UACA: variants seen among roughly 807,000 people sequenced by gnomAD.
UACA encodes nuclear membrane binding protein.
Under a neutral mutation model 160.5 loss-of-function variants are expected in UACA, and 112 were observed. That is an observed-to-expected ratio of 0.70 (90% CI 0.60 to 0.82). The LOEUF (loss-of-function observed/expected upper bound fraction) is 0.82, where lower values mean the gene tolerates loss of function less well. Among genes scored for constraint, UACA ranks in the 40% least tolerant of loss-of-function variants. UACA has a pLI of 0.00. For synonymous variants in UACA, 557 were observed against 568.4 expected (o/e 0.98, Z 0.29); for missense variants, 1,574 against 1,614.6 (o/e 0.97, Z 0.43).
intron 1 of UACA, among the ~76,000 whole-genome samples, chr15:70,716,788 T>C (rs1327346405): frequency 6.6e-6 from 1 of 152,222 alleles, no homozygotes; most frequent in Non-Finnish European, 1.5e-5. Context: ...TATGCAAGTA[T>C]TCATTTAAAA....
intron 1 of UACA, among the ~76,000 whole-genome samples, chr15:70,744,174 G>A (rs1049113215): frequency 1.3e-5 from 2 of 150,906 alleles, no homozygotes; most frequent in Admixed American, 1.3e-4. Flanking sequence ...GCGTGAACCC[G>A]GGAGGCGGAG....
chr15:70,743,519 T>A (rs2002459492), intron 1 of UACA, among the ~76,000 whole-genome samples: 1 of 152,192 alleles, frequency 6.6e-6, no homozygotes, highest in South Asian at 2.1e-4. Flanking sequence ...GCCACTGGAC[T>A]AGAAAACTTT....
In UACA at chr15:70,659,580, T is replaced by G. The variant is rs911806990; in HGVS notation, c.4179+571A>C. On this transcript the variant is annotated intron_variant, in intron 18 of 18. Transcript: ENST00000322954. ...TGCTCACGGGGTTTCTACAGGAAAT[T>G]AAGCATAGTATCCTTTATATGTTAG... 5.3e-5 allele frequency among the ~76,000 whole-genome samples: 8 copies of G among 151,980 alleles called. No individual in the cohort carries two copies. In the East Asian group the frequency reaches 1.5e-3, roughly 29 times the overall value.
At chr15:70,658,543 T>C (rs368144893) in intron 18 of UACA, among the ~76,000 whole-genome samples, 3 of 152,336 alleles carry the variant, frequency 2.0e-5, no homozygotes, top group East Asian at 3.9e-4. Context: ...GGTATGTTCT[T>C]ATTCATTTGC....
chr15:70,704,517 C>A (rs1441833387), intron 1 of UACA, among the ~76,000 whole-genome samples: 1 of 152,196 alleles, frequency 6.6e-6, no homozygotes, highest in African/African-American at 2.4e-5. Context: ...AGTTAAAACA[C>A]ATGTTCTTCA....
chr15:70,666,596 A>C, intron 16 of UACA, 128 bp downstream of exon 16: 1 of 728,984 alleles, frequency 1.4e-6, no homozygotes, highest in South Asian at 3.6e-5. Flanking sequence ...GAATTTTTGC[A>C]CGCAAGTTGC....
chr15:70,729,196 A>G (rs745428644), intron 1 of UACA, among the ~76,000 whole-genome samples: 1 of 152,224 alleles, frequency 6.6e-6, no homozygotes, highest in Non-Finnish European at 1.5e-5. Flanking sequence ...GTATATACTC[A>G]AAGGAAAATA....
At chr15:70,744,551 A>G (rs1316959497) in intron 1 of UACA, among the ~76,000 whole-genome samples, 1 of 152,212 alleles carries the variant, frequency 6.6e-6, no homozygotes, top group African/African-American at 2.4e-5. Flanking sequence ...TCAGCTATTA[A>G]TGGAATAAAA....
intron 5 of UACA, 68 bp downstream of exon 5, chr15:70,690,386 C>A (rs1387786631): frequency 7.1e-7 from 1 of 1,405,800 alleles, no homozygotes; most frequent in Admixed American, 1.8e-5. Flanking sequence ...TGTGTTAAAA[C>A]CCTGAAATTA....
chr15:70,766,445 CTT>C (rs149241709), upstream of UACA, among the ~76,000 whole-genome samples: 19 of 149,212 alleles, frequency 1.3e-4, no homozygotes, highest in African/African-American at 4.7e-4. Context: ...TGTTTTACTT[CTT>C]TTTTTTTTCC....
chr15:70,698,386 A>G (rs1898208688), intron 2 of UACA, among the ~76,000 whole-genome samples: 1 of 152,206 alleles, frequency 6.6e-6, no homozygotes, highest in Admixed American at 6.5e-5. Flanking sequence ...TCACTTTTGG[A>G]TATTAAATTT....
intron 1 of UACA, among the ~76,000 whole-genome samples, chr15:70,701,638 T>C (rs1271982513): frequency 1.3e-5 from 2 of 152,228 alleles, no homozygotes; most frequent in East Asian, 1.9e-4. Context: ...TCAGCTCTGA[T>C]TCACTGTCAG....
intron 2 of UACA, 129 bp from the exon 3 acceptor site, chr15:70,695,234 T>C: frequency 1.8e-6 from 1 of 551,922 alleles, no homozygotes; most frequent in Non-Finnish European, 3.1e-6. Context: ...AAGGCTACAT[T>C]AGAACACCTA....
chr15:70,696,582 G>A (rs986122950), intron 2 of UACA, among the ~76,000 whole-genome samples: 8 of 152,116 alleles, frequency 5.3e-5, no homozygotes, highest in African/African-American at 1.9e-4. Flanking sequence ...TGTACAATCC[G>A]AATTAGAAAG....
At chr15:70,661,915 G>A (rs1309584375) in intron 17 of UACA, among the ~76,000 whole-genome samples, 2 of 152,118 alleles carry the variant, frequency 1.3e-5, no homozygotes, top group African/African-American at 2.4e-5. Flanking sequence ...TACTGAATGG[G>A]CAAAAACTGG....
chr15:70,771,817 C>G, the UACA span, among the ~76,000 whole-genome samples: 1 of 143,346 alleles, frequency 7.0e-6, no homozygotes, highest in African/African-American at 2.9e-5. Flanking sequence ...GCAAAGAAAA[C>G]AGCAATGCAA....
In UACA at chr15:70,667,200, A is replaced by C. The variant is rs1664677015; in HGVS notation, c.3484T>G (p.Ser1162Ala). The C allele has an allele frequency of 1.2e-6, 2 of 1,613,732 alleles. No homozygotes were observed. Residue 1162 changes from serine to alanine, a missense_variant, in exon 16 of 19, where the codon TCT (serine) becomes GCT (alanine). By Grantham distance (99) the Ser-to-Ala change is moderately conservative (BLOSUM62 1). Coordinates refer to ENST00000322954, the MANE Select transcript of UACA (RefSeq NM_018003.4). ...LHQLLENQKN[S>A]SVPLAEHLQI... ...AAATGCTCTGCCAGGGGTACAGAAG[A>C]GTTCTTTTGATTCTCCAACAATTGA...
At chr15:70,759,608 T>A in intron 1 of UACA, among the ~76,000 whole-genome samples, 1 of 152,182 alleles carries the variant, frequency 6.6e-6, no homozygotes, top group Admixed American at 6.5e-5. Flanking sequence ...TGAGCCGAGA[T>A]CACGTCATTG....
At chr15:70,699,475 C>A in intron 2 of UACA, 52 bp downstream of exon 2, 1 of 1,587,992 alleles carries the variant, frequency 6.3e-7, no homozygotes, top group Non-Finnish European at 8.6e-7. Flanking sequence ...ATTTGTATCC[C>A]AAGACTATCC....
Sources: gnomAD v4.1 joint callset for allele counts (sites outside exome capture counted in the v4.1 genomes callset) on GRCh38, gnomAD v4.1.1 for gene constraint, MANE v1.5 for transcripts, NCBI Gene and HGNC (gene_info 2026-07-23, HGNC 2026-07-21) for gene names.